Variants in MUC22 observed in about 807,000 individuals in gnomAD.
MUC22 encodes the protein mucin 22.
A neutral mutation model predicts 40.3 loss-of-function variants in MUC22; 24 were observed. The ratio of observed to expected loss-of-function variants is 0.60; its 90% CI spans 0.43 to 0.84. MUC22 has a LOEUF of 0.84. MUC22 is among the 40% of genes least tolerant of loss of function. MUC22 has a pLI of 0.00. For missense variants in MUC22, 1,926 were observed against 2,130.7 expected, an observed-to-expected ratio of 0.90 and a Z score of 1.89; for synonymous variants, 765 against 844.5, an observed-to-expected ratio of 0.91 and a Z score of 1.63.
intron 1 of MUC22, among the ~76,000 whole-genome samples, chr6:31,022,432 C>T (rs564235538): frequency 2.0e-5 from 3 of 152,082 alleles, no homozygotes; most frequent in South Asian, 2.1e-4. Context: ...GCTGGGATTA[C>T]AGGCGTGAAT....
At chr6:31,033,683 CT>C (rs1358321967) in intron 3 of MUC22, among the ~76,000 whole-genome samples, 1 of 152,168 alleles carries the variant, frequency 6.6e-6, no homozygotes, top group Non-Finnish European at 1.5e-5. Flanking sequence ...CAATTCTGAG[CT>C]GAGTGATGTG....
exon 4 of MUC22, chr6:31,034,683 C>T: frequency 6.5e-7 from 1 of 1,531,396 alleles, no homozygotes; most frequent in Non-Finnish European, 8.7e-7. Context: ...GAAACCTTTT[C>T]TTCCCCCTGA....
intron 1 of MUC22, among the ~76,000 whole-genome samples, chr6:31,017,119 G>C (rs1764274112): frequency 6.6e-6 from 1 of 152,214 alleles, no homozygotes; most frequent in African/African-American, 2.4e-5. Context: ...GAACCTCCCA[G>C]ACGAGCGCTG....
intron 1 of MUC22, among the ~76,000 whole-genome samples, chr6:31,014,084 C>T (rs982599901): frequency 6.6e-6 from 1 of 152,110 alleles, no homozygotes; most frequent in Admixed American, 6.5e-5. Flanking sequence ...ACATTTATAA[C>T]TGGGTCATAT....
chr6:31,032,298 T>C lies in MUC22; in HGVS notation c.4772T>C (p.Ile1591Thr), dbSNP rs1002771557. Residue 1591 changes from isoleucine to threonine, a missense_variant, in exon 3 of 4, where the codon ATA becomes ACA. Ile to Thr is a moderately conservative substitution (Grantham distance 89, BLOSUM62 -1). Coordinates refer to ENST00000561890, the Ensembl canonical transcript of MUC22. This position sits in a 1 kb window ranked among gnomAD's most constrained non-coding sequence, Gnocchi z 4.1. ...GCTGCCAGCCATACTGTGCCAGGAA[T>C]AGTCTTAAACACCTCTGGCCTGGGT... The C allele has an allele frequency of 4.6e-6, 7 of 1,535,492 alleles. No homozygotes were observed. The African/African-American group carries it at 8.2e-5, about 18-fold the overall frequency.
At chr6:31,029,961 C>T (rs1312292552) in exon 2 of MUC22, 2 of 1,534,622 alleles carry the variant, frequency 1.3e-6, no homozygotes, top group Non-Finnish European at 1.7e-6. Flanking sequence ...CAACTTCCCT[C>T]ACAGGCTCTG....
rs538125668 is a variant in MUC22 at position 31,032,157 on chromosome 6, C to T, written c.4670-39C>T. Reference sequence around the variant, plus strand: ...CACCCCCATTCCCCTTTAATCATCTCTGCTACAAATGCATCATCTTGTGTG... The same window carrying T: ...CACCCCCATTCCCCTTTAATCATCTTTGCTACAAATGCATCATCTTGTGTG... On this transcript the variant is annotated intron_variant, in intron 2 of 3. Coordinates refer to ENST00000561890, the Ensembl canonical transcript of MUC22. This position sits in a 1 kb window ranked among gnomAD's most constrained non-coding sequence, Gnocchi z 4.1. 2.7e-6 allele frequency: 4 copies of T among 1,503,458 alleles called. No homozygotes were observed. The highest frequency in any genetic ancestry group is 3.5e-6 in the Non-Finnish European group (4 of 1,131,264). The allele number at this position is 1,503,458 out of a possible 1,614,324, so 93.1% of individuals were successfully genotyped here.
chr6:31,018,326 C>T (rs1297846183), intron 1 of MUC22, among the ~76,000 whole-genome samples: 2 of 152,142 alleles, frequency 1.3e-5, no homozygotes, highest in Admixed American at 1.3e-4. Context: ...TTCAACTATC[C>T]TTCCTGTATT....
At chr6:31,009,634 C>A (rs1763734823), upstream of MUC22, among the ~76,000 whole-genome samples, 1 of 152,298 alleles carries the variant, frequency 6.6e-6, no homozygotes, top group South Asian at 2.1e-4. Flanking sequence ...AGCTTATACC[C>A]GTATCCTCAT....
At chr6:31,019,433 AAT>A (rs1440271751) in intron 1 of MUC22, among the ~76,000 whole-genome samples, 1 of 152,170 alleles carries the variant, frequency 6.6e-6, no homozygotes, top group East Asian at 1.9e-4. Flanking sequence ...AACATAAATC[AAT>A]TTTGTTTTCT....
At chr6:31,029,805 C>A in exon 2 of MUC22, 1 of 1,475,708 alleles carries the variant, frequency 6.8e-7, no homozygotes, top group Non-Finnish European at 9.0e-7. Context: ...CCACCACAGC[C>A]TCCACTTCAG....
chr6:31,017,424 G>C (rs1209332355), intron 1 of MUC22, among the ~76,000 whole-genome samples: 1 of 151,988 alleles, frequency 6.6e-6, no homozygotes, highest in Non-Finnish European at 1.5e-5. Flanking sequence ...TCTAGCTAAG[G>C]GATTGTAAAT....
upstream of MUC22, among the ~76,000 whole-genome samples, chr6:31,009,161 T>C (rs2150736102): frequency 6.6e-6 from 1 of 152,346 alleles, no homozygotes; most frequent in East Asian, 1.9e-4. Flanking sequence ...AGGCTTAAAA[T>C]ATATGCAGTA....
At chr6:31,023,482 C>T (rs1765036281) in intron 1 of MUC22, among the ~76,000 whole-genome samples, 1 of 152,112 alleles carries the variant, frequency 6.6e-6, no homozygotes, top group Admixed American at 6.5e-5. Flanking sequence ...AAAGTCAAGG[C>T]TGCAGTCAGC....
chr6:31,029,016 C>T, exon 2 of MUC22: 1 of 1,532,980 alleles, frequency 6.5e-7, no homozygotes, highest in Non-Finnish European at 8.7e-7. Flanking sequence ...GCTCTGAGCT[C>T]ACTACAGTTT....
chr6:31,027,525 C>T (rs1331621395), exon 2 of MUC22: 2 of 1,529,924 alleles, frequency 1.3e-6, no homozygotes, highest in Non-Finnish European at 1.7e-6. Context: ...TCACAATAGC[C>T]TCTACTTCAG....
chr6:31,034,718 A>G (rs759064669), exon 4 of MUC22: 195 of 1,535,580 alleles, frequency 1.3e-4, no homozygotes, highest in Non-Finnish European at 1.7e-4. Context: ...TATTACCCCC[A>G]TGGCCACAGC....
At chr6:31,019,040 T>A (rs1764479923) in intron 1 of MUC22, among the ~76,000 whole-genome samples, 1 of 152,226 alleles carries the variant, frequency 6.6e-6, no homozygotes, top group Non-Finnish European at 1.5e-5. Context: ...TCACGTCTTT[T>A]GATCTGATTT....
chr6:31,035,025 CAT>C (rs1766353508), exon 4 of MUC22: 1 of 1,359,996 alleles, frequency 7.4e-7, no homozygotes, highest in Non-Finnish European at 9.8e-7. Context: ...GGTATCAAAA[CAT>C]ATTATGGGTG....
Sources: gnomAD v4.1 joint callset for allele counts (sites outside exome capture counted in the v4.1 genomes callset) on GRCh38, gnomAD v4.1.1 for gene constraint, Gnocchi (gnomAD v3.1) non-coding constraint, MANE v1.5 for transcripts, NCBI Gene and HGNC (gene_info 2026-07-23, HGNC 2026-07-21) for gene names.